The following DNAH12 variants were observed in gnomAD, a reference collection of about 807,000 sequenced individuals.
The protein encoded by DNAH12 is dynein axonemal heavy chain 12, also known as axonemal beta dynein heavy chain 12.
A neutral mutation model predicts 371.5 loss-of-function variants in DNAH12; 285 were observed. The observed-to-expected ratio is 0.77, with a 90% CI of 0.70 to 0.85. DNAH12 has a LOEUF of 0.85. DNAH12 is among the 40% of genes least tolerant of loss of function. The pLI is 0.00. For missense variants in DNAH12, 3,611 were observed against 3,689.4 expected (o/e 0.98, Z 0.55); for synonymous variants, 1,200 against 1,213.0 (o/e 0.99, Z 0.22).
At chr3:57,444,911 C>T in intron 28 of DNAH12, 95 bp from the exon 29 acceptor site, 2 of 1,398,072 alleles carry the variant, frequency 1.4e-6, no homozygotes, top group Middle Eastern at 2.0e-4. Context: ...CCCCACCCCA[C>T]CCCCCTGGCT....
chr3:57,364,497 T>C, intron 57 of DNAH12, among the ~76,000 whole-genome samples: 1 of 152,188 alleles, frequency 6.6e-6, no homozygotes, highest in Non-Finnish European at 1.5e-5. Flanking sequence ...TTTTTCCTCA[T>C]TTTAAAAAAA....
intron 35 of DNAH12, 131 bp downstream of exon 35, chr3:57,424,891 G>A (rs2064714241): frequency 1.9e-6 from 1 of 523,472 alleles, no homozygotes. Flanking sequence ...CAACTTTAGT[G>A]TCTCCAGCTA....
At chr3:57,376,272 T>C (rs2063278995) in intron 53 of DNAH12, among the ~76,000 whole-genome samples, 1 of 152,024 alleles carries the variant, frequency 6.6e-6, no homozygotes, top group East Asian at 1.9e-4. Context: ...TAATTTTCTC[T>C]TGGATGATTT....
chr3:57,542,158 G>C (rs1051986745), intron 2 of DNAH12, among the ~76,000 whole-genome samples: 3 of 18,190 alleles, frequency 1.6e-4, no homozygotes, highest in East Asian at 1.3e-3. Flanking sequence ...ACTAAACTGG[G>C]GGGGGGGGGG....
At chr3:57,396,169 T>C (rs2063731923) in intron 43 of DNAH12, among the ~76,000 whole-genome samples, 1 of 150,138 alleles carries the variant, frequency 6.7e-6, no homozygotes, top group South Asian at 2.1e-4. Context: ...TCCCAGCTAC[T>C]TGGGAGGCTG....
intron 38 of DNAH12, among the ~76,000 whole-genome samples, chr3:57,414,466 T>G (rs1412775448): frequency 6.6e-6 from 1 of 152,178 alleles, no homozygotes; most frequent in Non-Finnish European, 1.5e-5. Flanking sequence ...GAGGGTTTGG[T>G]GTACAGATTA....
chr3:57,318,718 AT>A (rs1475426851), intron 65 of DNAH12, among the ~76,000 whole-genome samples: 1 of 151,524 alleles, frequency 6.6e-6, no homozygotes, highest in Non-Finnish European at 1.5e-5. Flanking sequence ...AAAAAAAAAA[AT>A]CCCAAGCATT....
intron 60 of DNAH12, among the ~76,000 whole-genome samples, chr3:57,350,619 A>G (rs1229793408): frequency 3.9e-5 from 6 of 152,214 alleles, no homozygotes; most frequent in Non-Finnish European, 8.8e-5. Context: ...GGGCTGTGAA[A>G]AGAGTTTTCA....
At chr3:57,331,112 C>T (rs553930377) in intron 62 of DNAH12, among the ~76,000 whole-genome samples, 1 of 152,154 alleles carries the variant, frequency 6.6e-6, no homozygotes, top group Non-Finnish European at 1.5e-5. Flanking sequence ...TGAATCTTGA[C>T]CTCAAGAAGC....
At chr3:57,514,448 C>A (rs2153395309) in intron 4 of DNAH12, among the ~76,000 whole-genome samples, 1 of 151,368 alleles carries the variant, frequency 6.6e-6, no homozygotes, top group South Asian at 2.1e-4. Context: ...GCAAGAGTAT[C>A]TACAGTATGA....
intron 60 of DNAH12, among the ~76,000 whole-genome samples, chr3:57,348,359 G>A (rs1553658885): frequency 1.3e-5 from 2 of 152,136 alleles, no homozygotes; most frequent in East Asian, 1.9e-4. Flanking sequence ...GTTGAGGGGA[G>A]GGAGGGCTGA....
At chr3:57,474,773 A>C (rs952555601) in intron 13 of DNAH12, among the ~76,000 whole-genome samples, 1 of 152,244 alleles carries the variant, frequency 6.6e-6, no homozygotes, top group Non-Finnish European at 1.5e-5. Flanking sequence ...CCTGGCCAAC[A>C]TGGTGAAACC....
At chr3:57,343,336 A>C (rs910765659) in intron 60 of DNAH12, among the ~76,000 whole-genome samples, 36 of 152,302 alleles carry the variant, frequency 2.4e-4, no homozygotes, top group Non-Finnish European at 4.1e-4. Flanking sequence ...CTTTGACCCA[A>C]CTACTTTGAC....
At chr3:57,525,905 G>T (rs1228687678) in intron 2 of DNAH12, among the ~76,000 whole-genome samples, 1 of 151,522 alleles carries the variant, frequency 6.6e-6, no homozygotes, top group Non-Finnish European at 1.5e-5. Flanking sequence ...GGGATTATAG[G>T]CTCAGGCTAC....
intron 59 of DNAH12, among the ~76,000 whole-genome samples, chr3:57,355,922 C>A (rs1410229996): frequency 6.6e-6 from 1 of 152,134 alleles, no homozygotes; most frequent in African/African-American, 2.4e-5. Context: ...AAACACTTTA[C>A]AAAAATTATC....
chr3:57,547,211 TATAGATATAG>T (rs1393109795), upstream of DNAH12, among the ~76,000 whole-genome samples: 1 of 15,086 alleles, frequency 6.6e-5, no homozygotes. Flanking sequence ...CACACACATA[TATAGATATAG>T]ATATAGATAT....
chr3:57,502,787 C>A (rs1041839523), intron 9 of DNAH12, among the ~76,000 whole-genome samples: 1 of 152,070 alleles, frequency 6.6e-6, no homozygotes, highest in Non-Finnish European at 1.5e-5. Context: ...CCTCGTGATC[C>A]GCCCACCTCA....
intron 13 of DNAH12, among the ~76,000 whole-genome samples, chr3:57,476,802 A>T (rs1350763748): frequency 6.6e-6 from 1 of 152,246 alleles, no homozygotes; most frequent in African/African-American, 2.4e-5. Flanking sequence ...ATAGGTAAAT[A>T]GGTACATCAT....
At chr3:57,474,991 A>G (rs1304630833) in intron 13 of DNAH12, among the ~76,000 whole-genome samples, 2 of 148,672 alleles carry the variant, frequency 1.3e-5, no homozygotes, top group South Asian at 4.3e-4. Flanking sequence ...AAAAAGGCCA[A>G]TGGAACAGAA....
Sources: allele counts gnomAD v4.1 joint callset (sites outside exome capture counted in the v4.1 genomes callset), GRCh38; gene constraint gnomAD v4.1.1; transcripts MANE v1.5; gene names NCBI Gene and HGNC (gene_info 2026-07-23, HGNC 2026-07-21).